The following ESR1 variants were observed in gnomAD, a reference collection of about 807,000 sequenced individuals.
ESR1 encodes estrogen receptor.
A neutral mutation model predicts 52.7 loss-of-function variants in ESR1; 12 were observed. That is an observed-to-expected ratio of 0.23 (90% CI 0.15 to 0.37). The LOEUF (loss-of-function observed/expected upper bound fraction) is 0.37, where lower values mean the gene tolerates loss of function less well. Among genes scored for constraint, ESR1 ranks in the 10% least tolerant of loss-of-function variants. The pLI, the probability that ESR1 is intolerant of heterozygous loss-of-function variation, is 1.00. For missense variants in ESR1, 584 were observed against 779.7 expected, an observed-to-expected ratio of 0.75 and a Z score of 2.99; for synonymous variants, 305 against 316.8, an observed-to-expected ratio of 0.96 and a Z score of 0.39.
chr6:152,115,727 A>G (rs1430393105), intron 6 of ESR1, among the ~76,000 whole-genome samples: 3 of 152,228 alleles, frequency 2.0e-5, no homozygotes, highest in Non-Finnish European at 4.4e-5. Context: ...AAAATGGAGC[A>G]CAAAACAGAC....
intron 1 of ESR1, among the ~76,000 whole-genome samples, chr6:151,691,889 C>T (rs926611977): frequency 3.3e-5 from 5 of 152,156 alleles, no homozygotes; most frequent in South Asian, 2.1e-4. Context: ...GTGATGACTG[C>T]CCACTAGGCC....
chr6:151,870,886 C>G (rs913743326), intron 2 of ESR1, among the ~76,000 whole-genome samples: 6 of 151,918 alleles, frequency 3.9e-5, no homozygotes, highest in African/African-American at 1.2e-4. Context: ...GGGTCTCACT[C>G]TGTCCCCCAG....
intron 5 of ESR1, among the ~76,000 whole-genome samples, chr6:152,058,054 C>G (rs1464280384): frequency 6.6e-6 from 1 of 152,174 alleles, no homozygotes; most frequent in Non-Finnish European, 1.5e-5. Context: ...GAGACTTCCT[C>G]CCCTGCCGGT....
chr6:151,702,978 C>G (rs1017994655), intron 2 of ESR1, among the ~76,000 whole-genome samples: 1 of 152,204 alleles, frequency 6.6e-6, no homozygotes. Context: ...TTCAAAAGCA[C>G]AGGAAGTCTG....
At chr6:151,952,450 T>G (rs2036433089) in intron 4 of ESR1, among the ~76,000 whole-genome samples, 1 of 152,200 alleles carries the variant, frequency 6.6e-6, no homozygotes, top group African/African-American at 2.4e-5. Context: ...TATTTTTCCC[T>G]TGTTTTATTC....
Position 152,094,486 on chromosome 6 carries a change from G to T in ESR1, c.1471G>T (p.Ala491Ser), listed in dbSNP as rs756382983. The change falls in exon 7 of 8, where the codon GCC (alanine) becomes TCC (serine). Residue 491 changes from alanine to serine, a missense_variant. Transcript: ENST00000206249. This position sits in a 1 kb window ranked among gnomAD's most constrained non-coding sequence, Gnocchi z 4.6. Reference protein sequence around the residue: ...KITDTLIHLMAKAGLTLQQQH... With the variant: ...KITDTLIHLMSKAGLTLQQQH... Reference sequence around the variant, plus strand: ...CACAGACACTTTGATCCACCTGATGGCCAAGGCAGGCCTGACCCTGCAGCA... The same window carrying T: ...CACAGACACTTTGATCCACCTGATGTCCAAGGCAGGCCTGACCCTGCAGCA... 36 of 1,614,062 alleles carry T rather than the reference G, an allele frequency of 2.2e-5. No individual in the cohort carries two copies. The highest frequency in any genetic ancestry group is 3.1e-5 in the Non-Finnish European group (36 of 1,179,998).
chr6:151,898,949 C>G (rs969817476), intron 3 of ESR1, among the ~76,000 whole-genome samples: 9 of 148,500 alleles, frequency 6.1e-5, no homozygotes, highest in South Asian at 4.3e-4. Flanking sequence ...CCGGGCAGAG[C>G]GGCTCCTCAC....
chr6:151,854,087 G>C (rs1043301844), intron 2 of ESR1, among the ~76,000 whole-genome samples: 1 of 152,122 alleles, frequency 6.6e-6, no homozygotes, highest in Non-Finnish European at 1.5e-5. Flanking sequence ...TCCTTTTAAA[G>C]AGAATGGTCT....
chr6:151,779,825 G>A (rs930962497), intron 2 of ESR1, among the ~76,000 whole-genome samples: 2 of 128,540 alleles, frequency 1.6e-5, no homozygotes, highest in African/African-American at 3.0e-5. Flanking sequence ...GCGTGAACCC[G>A]GGAGGCGGAG....
At chr6:151,710,845 C>T (rs1439065982) in intron 2 of ESR1, among the ~76,000 whole-genome samples, 1 of 152,092 alleles carries the variant, frequency 6.6e-6, no homozygotes, top group Non-Finnish European at 1.5e-5. Context: ...ATGATGATTG[C>T]CAGCTTCATC....
chr6:151,991,396 T>A (rs529098132), intron 4 of ESR1, among the ~76,000 whole-genome samples: 2 of 152,100 alleles, frequency 1.3e-5, no homozygotes, highest in East Asian at 1.9e-4. Context: ...ACAAAAAACA[T>A]TTATTAAAAA....
intron 4 of ESR1, among the ~76,000 whole-genome samples, chr6:151,951,578 C>T (rs1410054337): frequency 6.6e-6 from 1 of 152,172 alleles, no homozygotes; most frequent in Non-Finnish European, 1.5e-5. Context: ...AGACTTGAGA[C>T]ATTCAAATAA....
chr6:151,869,867 T>C (rs1000747836), intron 2 of ESR1, among the ~76,000 whole-genome samples: 1 of 152,268 alleles, frequency 6.6e-6, no homozygotes, highest in African/African-American at 2.4e-5. Context: ...CTGACAAGAT[T>C]AACTAGAACT....
At chr6:151,686,507 A>C (rs58940669), upstream of ESR1, among the ~76,000 whole-genome samples, 1,477 of 152,286 alleles carry the variant, frequency 9.7e-3, 18 homozygotes, top group Middle Eastern at 0.034. Context: ...AACATGGTGA[A>C]ACCCCGTCTC....
rs115016206 is a variant in ESR1, at chr6:151,695,985, G to A, written c.-202+5321G>A. 2.9e-3 allele frequency among the ~76,000 whole-genome samples: 437 copies of A among 152,176 alleles called. 2 individuals are homozygous for A. Among genetic ancestry groups the A allele is most frequent in the African/African-American group, 1.0e-2 (415 of 41,516 alleles). ...TACAAAATTTAAAATTTTGGAAATC[G>A]TACCTGCATCAAGTTTTCTGAAAGA... On this transcript the variant is annotated intron_variant, in intron 1 of 2. Transcript: ENST00000404742.
At chr6:151,786,072 C>T (rs928260227) in intron 2 of ESR1, among the ~76,000 whole-genome samples, 3 of 152,122 alleles carry the variant, frequency 2.0e-5, no homozygotes, top group Non-Finnish European at 2.9e-5. Context: ...ACCAGATGAC[C>T]TCCAAGGCCC....
At position 151,808,252 on chromosome 6, in the gene ESR1, C is replaced by A; in HGVS notation, c.340C>A (p.Pro114Thr). 6.3e-7 allele frequency: 1 copy of A among 1,579,636 alleles called. No individual in the cohort carries two copies. Among genetic ancestry groups the A allele is most frequent in the Non-Finnish European group, 8.6e-7 (1 of 1,163,350 alleles). ...SPSPLMLLHP[P>T]PQLSPFLQPH... ...GAGCCCGCTGATGCTACTGCACCCG[C>A]CGCCGCAGCTGTCGCCTTTCCTGCA... The change falls in exon 1 of 8, where the codon CCG (proline) becomes ACG (threonine). Residue 114 changes from proline to threonine, a missense_variant. Transcript: ENST00000206249.
rs1315292246 is a variant in ESR1 at position 151,808,204 on chromosome 6, C to T, written c.292C>T (p.Pro98Ser). ...CGGCTCCAACGGCCTGGGGGGTTTC[C>T]CCCCACTCAACAGCGTGTCTCCGAG... ...AFGSNGLGGF[P>S]PLNSVSPSPL... Residue 98 changes from proline to serine, a missense_variant, in exon 1 of 8, where the codon CCC becomes TCC. By Grantham distance (74) the Pro-to-Ser change is moderately conservative (BLOSUM62 -1). Around this residue, in one of 6 missense-constraint regions of ESR1, gnomAD observed 251 missense variants for 246.1 expected, o/e 1.02. Transcript: ENST00000206249. 16 of 1,574,236 alleles carry T rather than the reference C, an allele frequency of 1.0e-5. No individual in the cohort carries two copies. The highest frequency in any genetic ancestry group is 2.3e-5 in the East Asian group (1 of 42,880).
chr6:151,893,163 A>G (rs1020308705), intron 3 of ESR1, among the ~76,000 whole-genome samples: 2 of 152,076 alleles, frequency 1.3e-5, no homozygotes, highest in African/African-American at 4.8e-5. Context: ...TGCACTCCAG[A>G]CTGGGCGACA....
Sources: allele counts gnomAD v4.1 joint callset (sites outside exome capture counted in the v4.1 genomes callset), GRCh38; gene constraint gnomAD v4.1.1; regional missense constraint gnomAD v4.1.1; non-coding constraint Gnocchi (gnomAD v3.1); transcripts MANE v1.5; gene names NCBI Gene and HGNC (gene_info 2026-07-23, HGNC 2026-07-21).